Variants in KCNJ6 observed in about 807,000 individuals in gnomAD.
The protein encoded by KCNJ6 is G protein-activated inward rectifier potassium channel 2.
Under a neutral mutation model 34.2 loss-of-function variants are expected in KCNJ6, and 9 were observed. That is an observed-to-expected ratio of 0.26 (90% CI 0.16 to 0.46). KCNJ6 has a LOEUF of 0.46. Among genes scored for constraint, KCNJ6 ranks in the 20% least tolerant of loss-of-function variants. The pLI is 1.00. For missense variants in KCNJ6, 236 were observed against 531.3 expected (o/e 0.44, Z 5.46); for synonymous variants, 196 against 207.1 (o/e 0.95, Z 0.46).
chr21:37,909,915 T>C (rs756689081), intron 1 of KCNJ6, among the ~76,000 whole-genome samples: 1 of 152,198 alleles, frequency 6.6e-6, no homozygotes, highest in African/African-American at 2.4e-5. Context: ...GGGAGAAATA[T>C]ACATCTCCTT....
chr21:37,616,810 G>A lies in KCNJ6; in HGVS notation c.*8349C>T, dbSNP rs149893346. The A allele has an allele frequency of 2.0e-5, 3 of 151,484 alleles. No homozygotes were observed. Among genetic ancestry groups the A allele is most frequent in the Non-Finnish European group, 4.4e-5 (3 of 67,914 alleles). 9.4% of individuals were successfully genotyped at this position (151,484 alleles called of 1,614,324 possible). On this transcript the variant is annotated 3_prime_UTR_variant, in exon 4 of 4. Transcript: ENST00000609713. ...AGCAAATTAAGAGAGAGCAGCTGGG[G>A]GGAATGGTTGGCTGACAATCTGCCA...
chr21:37,740,115 C>G (rs1211767193), intron 2 of KCNJ6, among the ~76,000 whole-genome samples: 4 of 152,190 alleles, frequency 2.6e-5, no homozygotes, highest in Non-Finnish European at 5.9e-5. Flanking sequence ...CCCAGCACTA[C>G]TACAAACCAG....
At chr21:37,789,326 C>T (rs899039909) in intron 2 of KCNJ6, among the ~76,000 whole-genome samples, 2 of 152,156 alleles carry the variant, frequency 1.3e-5, no homozygotes, top group Non-Finnish European at 2.9e-5. Flanking sequence ...CAAATGAAGT[C>T]ATACGGGTGG....
chr21:37,714,369 C>A lies in KCNJ6; in HGVS notation c.788G>T (p.Gly263Val). 1 of 1,614,062 alleles carries A rather than the reference C, an allele frequency of 6.2e-7. No individual in the cohort carries two copies. Among genetic ancestry groups the A allele is most frequent in the South Asian group, 1.1e-5 (1 of 91,068 alleles). The change falls in exon 3 of 4, where the codon GGG (glycine) becomes GTG (valine). Residue 263 changes from glycine to valine, a missense_variant. By Grantham distance (109) the Gly-to-Val change is moderately radical. Transcript: ENST00000609713. The surrounding 1 kb of genome is among the most constrained non-coding windows in gnomAD (Gnocchi z 5.9). ...CAGACGGTCATCCCCCGTGTAATAC[C>A]CTACGTTGATATCCGTCTGGTTCAA... ...IPLNQTDINV[G>V]YYTGDDRLFL...
chr21:37,718,764 A>G (rs190545813), intron 2 of KCNJ6, among the ~76,000 whole-genome samples: 1 of 152,320 alleles, frequency 6.6e-6, no homozygotes, highest in African/African-American at 2.4e-5. Flanking sequence ...ATGTATACCT[A>G]TGTAACAAAC....
At chr21:37,770,381 A>G (rs1479588258) in intron 2 of KCNJ6, among the ~76,000 whole-genome samples, 6 of 152,096 alleles carry the variant, frequency 3.9e-5, no homozygotes, top group Non-Finnish European at 8.8e-5. Flanking sequence ...TTCAATTTAT[A>G]GAGAAGGAAT....
intron 2 of KCNJ6, among the ~76,000 whole-genome samples, chr21:37,767,652 G>A (rs1235540456): frequency 6.6e-6 from 1 of 152,096 alleles, no homozygotes; most frequent in Non-Finnish European, 1.5e-5. Context: ...AAAGTGATGG[G>A]GAATTAATTT....
intron 3 of KCNJ6, among the ~76,000 whole-genome samples, chr21:37,696,682 T>A (rs960061890): frequency 3.0e-4 from 45 of 152,310 alleles, no homozygotes; most frequent in African/African-American, 1.1e-3. Context: ...AGATTAGATA[T>A]AGTAGCATTA....
chr21:37,818,011 A>G (rs1330672090), intron 2 of KCNJ6, among the ~76,000 whole-genome samples: 3 of 152,250 alleles, frequency 2.0e-5, no homozygotes. Flanking sequence ...CGTACCCAGA[A>G]TGCACATGAA....
chr21:37,649,911 A>G (rs1475136081), intron 3 of KCNJ6, among the ~76,000 whole-genome samples: 6 of 122,018 alleles, frequency 4.9e-5, no homozygotes, highest in Admixed American at 9.3e-5. Context: ...CCGCCACCAC[A>G]CCCAGCTAAT....
At chr21:37,853,814 A>C (rs1268830859) in intron 1 of KCNJ6, among the ~76,000 whole-genome samples, 1 of 145,112 alleles carries the variant, frequency 6.9e-6, no homozygotes, top group Admixed American at 7.0e-5. Flanking sequence ...GGTCAATATT[A>C]ACAGCAGTAG....
At chr21:37,891,488 A>G (rs1459125165) in intron 1 of KCNJ6, among the ~76,000 whole-genome samples, 5 of 152,196 alleles carry the variant, frequency 3.3e-5, no homozygotes, top group Non-Finnish European at 7.3e-5. Flanking sequence ...ACTAGCTAGA[A>G]AACCATGGAT....
At chr21:37,627,442 G>A (rs2054316210) in intron 3 of KCNJ6, among the ~76,000 whole-genome samples, 1 of 152,194 alleles carries the variant, frequency 6.6e-6, no homozygotes, top group Non-Finnish European at 1.5e-5. Context: ...TGTGCTTGAG[G>A]GTGGGGTGAA....
Position 37,607,482 on chromosome 21 carries a change from A to ATATATATATATATATATATATATTT in KCNJ6, c.*17676_*17677insAAATATATATATATATATATATATA. On this transcript the variant is annotated 3_prime_UTR_variant, in exon 4 of 4. Coordinates refer to ENST00000609713, the MANE Select transcript of KCNJ6 (RefSeq NM_002240.5). ...CTTAAAGATATATATATATATATAT[A>ATATATATATATATATATATATATTT]TTTTTTTTTTATTTTAAAAAAATTT... 1.5e-5 allele frequency: 2 copies of ATATATATATATATATATATATATTT among 136,760 alleles called. No homozygotes were observed. Among genetic ancestry groups the ATATATATATATATATATATATATTT allele is most frequent in the Admixed American group, 1.5e-4 (2 of 13,444 alleles). The allele number at this position is 136,760 out of a possible 1,614,324, so 8.5% of individuals were successfully genotyped here.
At chr21:37,898,370 G>A (rs1487638733) in intron 1 of KCNJ6, among the ~76,000 whole-genome samples, 1 of 152,154 alleles carries the variant, frequency 6.6e-6, no homozygotes, top group Non-Finnish European at 1.5e-5. Context: ...AGATCACGAG[G>A]TCAGGAGATC....
intron 1 of KCNJ6, among the ~76,000 whole-genome samples, chr21:37,869,616 T>C (rs2055640170): frequency 6.6e-6 from 1 of 152,222 alleles, no homozygotes; most frequent in African/African-American, 2.4e-5. Flanking sequence ...GCTGATGACA[T>C]GGACTGATTT....
intron 2 of KCNJ6, among the ~76,000 whole-genome samples, chr21:37,805,142 G>A (rs74603071): frequency 0.029 from 4,449 of 152,222 alleles, 112 homozygotes; most frequent in South Asian, 0.071. Context: ...AATAAAGACA[G>A]AGTTTCTTTT....
chr21:37,764,342 T>C (rs2055080605), intron 2 of KCNJ6, among the ~76,000 whole-genome samples: 1 of 151,970 alleles, frequency 6.6e-6, no homozygotes, highest in African/African-American at 2.4e-5. Flanking sequence ...AGAGAGAGAC[T>C]TCAGCTTGGG....
rs571972529 is a variant in KCNJ6, at chr21:37,723,934, TAAA to T, written c.26-8806_26-8804del. Among the ~76,000 whole-genome samples, 5 of 132,644 alleles carry T rather than the reference TAAA, an allele frequency of 3.8e-5. No homozygotes were observed. In the South Asian group the frequency reaches 9.6e-4, roughly 25 times the overall value. 87.0% of individuals were successfully genotyped at this position (132,644 alleles called of 152,430 possible). ...TACAAATTGACTGATAGAAAACAAATAAAAAAAAAAAAGAAAAGCAAGAACAGC... is the reference window on the plus strand; with the variant it reads ...TACAAATTGACTGATAGAAAACAAATAAAAAAAAAGAAAAGCAAGAACAGC... On this transcript the variant is annotated intron_variant, in intron 2 of 3. Transcript: ENST00000609713.
Sources: gnomAD v4.1 joint callset for allele counts (sites outside exome capture counted in the v4.1 genomes callset) on GRCh38, gnomAD v4.1.1 for gene constraint, Gnocchi (gnomAD v3.1) non-coding constraint, MANE v1.5 for transcripts, NCBI Gene and HGNC (gene_info 2026-07-23, HGNC 2026-07-21) for gene names.